The following RALYL variants were observed in gnomAD, a reference collection of about 807,000 sequenced individuals.
RALYL encodes the protein RNA-binding Raly-like protein.
A neutral mutation model predicts 35.1 loss-of-function variants in RALYL; 29 were observed. That is an observed-to-expected ratio of 0.83 (90% CI 0.61 to 1.13). The LOEUF is 1.13. Ranked by LOEUF, RALYL falls within the 50% of genes most tolerant of loss-of-function variation. RALYL has a pLI of 0.00. For synonymous variants in RALYL, 120 were observed against 127.6 expected (o/e 0.94, Z 0.40); for missense variants, 359 against 360.4 (o/e 1.00, Z 0.03).
At chr8:84,617,156 G>T (rs999178079) in intron 2 of RALYL, among the ~76,000 whole-genome samples, 1 of 150,332 alleles carries the variant, frequency 6.7e-6, no homozygotes, top group South Asian at 2.1e-4. Context: ...GATGGGGATG[G>T]CATTGAATCT....
intron 8 of RALYL, among the ~76,000 whole-genome samples, chr8:84,895,535 CAG>C (rs1246414161): frequency 2.0e-5 from 3 of 152,050 alleles, no homozygotes; most frequent in Non-Finnish European, 2.9e-5. Flanking sequence ...TGTTTTGAGA[CAG>C]AGTCTCTCTC....
At chr8:84,428,802 A>G (rs1249651532) in intron 1 of RALYL, among the ~76,000 whole-genome samples, 1 of 152,156 alleles carries the variant, frequency 6.6e-6, no homozygotes, top group Non-Finnish European at 1.5e-5. Context: ...CCTCTACTCT[A>G]CATTTCCTAA....
At chr8:84,185,141 G>A (rs1812176485) in intron 1 of RALYL, 2 of 937,542 alleles carry the variant, frequency 2.1e-6, no homozygotes, top group African/African-American at 1.6e-5. Context: ...CGTCTTCCAG[G>A]GGATGGGGAA....
intron 8 of RALYL, among the ~76,000 whole-genome samples, chr8:84,908,768 CGGGAAAT>C (rs1443735251): frequency 1.3e-5 from 2 of 151,942 alleles, no homozygotes; most frequent in Admixed American, 1.3e-4. Context: ...CCAAAACCCC[CGGGAAAT>C]GCAGAGCTCA....
At chr8:84,845,385 G>T (rs1176156600) in intron 4 of RALYL, among the ~76,000 whole-genome samples, 1 of 152,142 alleles carries the variant, frequency 6.6e-6, no homozygotes, top group Non-Finnish European at 1.5e-5. Context: ...ATTCTGAGGG[G>T]TGTGAGATTG....
intron 7 of RALYL, among the ~76,000 whole-genome samples, chr8:84,878,717 A>G (rs1466166105): frequency 6.8e-6 from 1 of 146,238 alleles, no homozygotes. Context: ...ATAAATTAAC[A>G]TATGATAGCA....
Position 84,869,971 on chromosome 8 carries a change from C to G in RALYL, c.572-3313C>G, listed in dbSNP as rs577193939. Among the ~76,000 whole-genome samples the G allele has an allele frequency of 2.6e-5, 4 of 152,090 alleles. No homozygotes were observed. The South Asian group carries it at 8.3e-4, about 32-fold the overall frequency. On this transcript the variant is annotated intron_variant, in intron 6 of 8. Transcript: ENST00000521268. ...ACATTTATCACCAAATCAATGAACT[C>G]TATAGAGAGAGCAGATCTGAAATGA...
chr8:84,212,203 CAT>C (rs1305661137), intron 1 of RALYL, among the ~76,000 whole-genome samples: 2 of 152,168 alleles, frequency 1.3e-5, no homozygotes, highest in Non-Finnish European at 2.9e-5. Context: ...TTGTGTAAAA[CAT>C]ATTTTCTATG....
At chr8:84,569,923 T>C (rs765822941) in intron 2 of RALYL, among the ~76,000 whole-genome samples, 1 of 151,938 alleles carries the variant, frequency 6.6e-6, no homozygotes. Context: ...TTCTGGGTTC[T>C]ATTTCCTTTT....
chr8:84,745,281 T>C (rs1808344226), intron 2 of RALYL, among the ~76,000 whole-genome samples: 1 of 152,058 alleles, frequency 6.6e-6, no homozygotes. Context: ...CTGCCACGTT[T>C]ATGATAGTAT....
intron 1 of RALYL, among the ~76,000 whole-genome samples, chr8:84,342,519 T>C (rs1217085422): frequency 1.3e-5 from 2 of 151,480 alleles, no homozygotes; most frequent in African/African-American, 4.9e-5. Flanking sequence ...ATTTCTATTA[T>C]CTAGAAAAAT....
At chr8:84,776,323 G>C (rs1474712384) in intron 3 of RALYL, among the ~76,000 whole-genome samples, 2 of 152,086 alleles carry the variant, frequency 1.3e-5, no homozygotes, top group African/African-American at 4.8e-5. Context: ...ATGGTATTCA[G>C]AGATTTTTAA....
At chr8:84,651,347 A>G (rs141826959) in intron 2 of RALYL, among the ~76,000 whole-genome samples, 217 of 152,072 alleles carry the variant, frequency 1.4e-3, no homozygotes, top group African/African-American at 4.9e-3. Flanking sequence ...TAATTATACT[A>G]TAATTAATAA....
intron 4 of RALYL, among the ~76,000 whole-genome samples, chr8:84,806,148 T>C (rs762647639): frequency 2.0e-5 from 3 of 152,066 alleles, no homozygotes; most frequent in Non-Finnish European, 4.4e-5. Flanking sequence ...ACTCAAATCA[T>C]GGAAATCAAA....
At position 84,775,564 on chromosome 8, in the gene RALYL, A is replaced by C. The variant is rs535934142; in HGVS notation, c.332+910A>C. Among the ~76,000 whole-genome samples the C allele has an allele frequency of 5.9e-5, 9 of 152,292 alleles. No homozygotes were observed. In the South Asian group the frequency reaches 1.7e-3, roughly 28 times the overall value. ...AATATAGTCCTTCTCTTCTCCAGAG[A>C]GACAGATCCAATTCCTTTAACCTTT... On this transcript the variant is annotated intron_variant, in intron 3 of 8. Coordinates refer to ENST00000521268, the MANE Select transcript of RALYL (RefSeq NM_173848.7).
In RALYL at chr8:84,850,026, C is replaced by A. The variant is rs1198387620; in HGVS notation, c.412C>A (p.Arg138=). Reference sequence around the variant, plus strand: ...TTACTACAGAGATGATTTCTACAATCGGTATGTGAATTTTTCATCCTTGTT... The same window carrying A: ...TTACTACAGAGATGATTTCTACAATAGGTATGTGAATTTTTCATCCTTGTT... ...YDYYRDDFYN[R]LFDYHGRVPP... The change falls in exon 5 of 9, where the codon CGG becomes AGG. Residue 138 remains arginine, a splice_region_variant and synonymous_variant. Coordinates refer to ENST00000521268, the MANE Select transcript of RALYL (RefSeq NM_173848.7). 4.8e-6 allele frequency: 7 copies of A among 1,464,570 alleles called. No homozygotes were observed. The highest frequency in any genetic ancestry group is 5.5e-6 in the Non-Finnish European group (6 of 1,098,878). 90.7% of individuals were successfully genotyped at this position (1,464,570 alleles called of 1,614,324 possible).
At chr8:84,529,714 T>A in intron 2 of RALYL, 137 bp downstream of exon 2, 1 of 666,092 alleles carries the variant, frequency 1.5e-6, no homozygotes, top group Middle Eastern at 4.5e-4. Flanking sequence ...ATTATTTATA[T>A]TTTTTCATCC....
chr8:84,219,518 G>A (rs973020114), intron 1 of RALYL, among the ~76,000 whole-genome samples: 3 of 151,918 alleles, frequency 2.0e-5, no homozygotes, highest in African/African-American at 7.3e-5. Flanking sequence ...TTGTTTTTGT[G>A]TGCGTGTGTA....
intron 2 of RALYL, among the ~76,000 whole-genome samples, chr8:84,700,592 C>A (rs1840016116): frequency 6.6e-6 from 1 of 152,070 alleles, no homozygotes; most frequent in South Asian, 2.1e-4. Context: ...CAAATGAAAA[C>A]TTGGACCAAA....
Sources: gnomAD v4.1 joint callset for allele counts (sites outside exome capture counted in the v4.1 genomes callset) on GRCh38, gnomAD v4.1.1 for gene constraint, MANE v1.5 for transcripts, NCBI Gene and HGNC (gene_info 2026-07-23, HGNC 2026-07-21) for gene names.